Variants in RANBP2 observed in about 807,000 individuals in gnomAD.
RANBP2 encodes E3 SUMO-protein ligase RanBP2.
RANBP2 carries 57 observed loss-of-function variants against 303.6 expected under a neutral mutation model. That is an observed-to-expected ratio of 0.19 (90% CI 0.15 to 0.23). The LOEUF (loss-of-function observed/expected upper bound fraction) is 0.23, where lower values mean the gene tolerates loss of function less well. Among genes scored for constraint, RANBP2 ranks in the 10% least tolerant of loss-of-function variants. The pLI is 1.00. For synonymous variants in RANBP2, 1,167 were observed against 1,301.5 expected (o/e 0.90, Z 2.23); for missense variants, 3,138 against 3,780.8 (o/e 0.83, Z 4.46).
chr2:108,737,552 T>C (rs917797233), intron 6 of RANBP2, among the ~76,000 whole-genome samples: 2 of 69,664 alleles, frequency 2.9e-5, no homozygotes, highest in African/African-American at 1.7e-4. Context: ...TCTCAAGCTC[T>C]TTTTTTTTTT....
At chr2:109,486,201 T>C in the RANBP2 span, among the ~76,000 whole-genome samples, 1 of 152,252 alleles carries the variant, frequency 6.6e-6, no homozygotes. Flanking sequence ...ATGACGACCA[T>C]TGGCTTCTGA....
chr2:109,732,384 A>C, the RANBP2 span, among the ~76,000 whole-genome samples: 1 of 152,120 alleles, frequency 6.6e-6, no homozygotes, highest in Non-Finnish European at 1.5e-5. Context: ...GAATGCGCAC[A>C]AGCCTGGAGC....
At chr2:108,748,771 G>A (rs561504847) in intron 8 of RANBP2, 149 bp from the exon 9 acceptor site, 11 of 1,440,234 alleles carry the variant, frequency 7.6e-6, no homozygotes, top group South Asian at 1.2e-5. Flanking sequence ...CATAAGCACC[G>A]GTTTTGTTGT....
At chr2:108,816,716 G>A in the RANBP2 span, among the ~76,000 whole-genome samples, 1 of 152,152 alleles carries the variant, frequency 6.6e-6, no homozygotes, top group African/African-American at 2.4e-5. Flanking sequence ...TTGTGTTAGA[G>A]ATGGGGTCTC....
chr2:109,292,874 A>G, the RANBP2 span, among the ~76,000 whole-genome samples: 1 of 152,172 alleles, frequency 6.6e-6, no homozygotes, highest in Non-Finnish European at 1.5e-5. Flanking sequence ...TTGGGATTAC[A>G]GGTGTGCACC....
the RANBP2 span, among the ~76,000 whole-genome samples, chr2:109,064,368 A>G: frequency 7.0e-6 from 1 of 142,350 alleles, no homozygotes; most frequent in Non-Finnish European, 1.5e-5. Context: ...AGGCAGAAGA[A>G]TGGTATGAAC....
chr2:109,682,353 T>G, the RANBP2 span, among the ~76,000 whole-genome samples: 1 of 152,124 alleles, frequency 6.6e-6, no homozygotes, highest in Non-Finnish European at 1.5e-5. Flanking sequence ...AATTTCTTGT[T>G]TATTTGAAAT....
At chr2:109,517,190 C>A in the RANBP2 span, among the ~76,000 whole-genome samples, 1 of 152,162 alleles carries the variant, frequency 6.6e-6, no homozygotes, top group East Asian at 1.9e-4. Context: ...ACACAGAGGT[C>A]CCGCCCAGCC....
the RANBP2 span, among the ~76,000 whole-genome samples, chr2:109,458,516 T>G: frequency 6.7e-6 from 1 of 149,192 alleles, no homozygotes; most frequent in Non-Finnish European, 1.5e-5. Context: ...ACTATAAAAA[T>G]TAATTATTGG....
the RANBP2 span, among the ~76,000 whole-genome samples, chr2:109,078,226 G>GTA: frequency 2.2e-5 from 1 of 44,984 alleles, no homozygotes; most frequent in African/African-American, 9.2e-5. Context: ...TATATATAGC[G>GTA]TGTATATATA....
the RANBP2 span, chr2:108,912,642 A>G: frequency 6.5e-7 from 1 of 1,527,396 alleles, no homozygotes; most frequent in Non-Finnish European, 8.9e-7. Context: ...AGTACCACCT[A>G]ACTCCAGGTG....
the RANBP2 span, among the ~76,000 whole-genome samples, chr2:109,697,233 T>A: frequency 2.6e-5 from 4 of 152,252 alleles, no homozygotes; most frequent in African/African-American, 7.2e-5. Context: ...CTCATGCCTG[T>A]AATCCCAGCA....
chr2:109,255,547 A>G, the RANBP2 span, among the ~76,000 whole-genome samples: 2 of 152,230 alleles, frequency 1.3e-5, no homozygotes, highest in African/African-American at 2.4e-5. Context: ...AATCATCTTG[A>G]TAGTTGTTCT....
chr2:108,981,215 G>A, the RANBP2 span, among the ~76,000 whole-genome samples: 4 of 152,152 alleles, frequency 2.6e-5, no homozygotes, highest in Admixed American at 1.3e-4. Flanking sequence ...CCACCAGCAC[G>A]GGAAGGGGCT....
chr2:109,657,715 T>G, the RANBP2 span, among the ~76,000 whole-genome samples: 3 of 38,836 alleles, frequency 7.7e-5, no homozygotes, highest in Non-Finnish European at 1.4e-4. Flanking sequence ...ATTAGCTGAG[T>G]TTTTTTTTTT....
At chr2:109,761,691 A>G in the RANBP2 span, among the ~76,000 whole-genome samples, 1 of 146,868 alleles carries the variant, frequency 6.8e-6, no homozygotes, top group East Asian at 2.1e-4. Context: ...AACCAGCACT[A>G]TTCAGGTGGT....
chr2:109,633,053 A>G, the RANBP2 span, among the ~76,000 whole-genome samples: 4 of 152,086 alleles, frequency 2.6e-5, no homozygotes, highest in Non-Finnish European at 4.4e-5. Context: ...AGGCACATCC[A>G]CTGGAATTTT....
the RANBP2 span, among the ~76,000 whole-genome samples, chr2:109,695,839 T>C: frequency 5.3e-5 from 8 of 152,134 alleles, no homozygotes; most frequent in African/African-American, 1.4e-4. Flanking sequence ...AAAAGGTTTT[T>C]TTTGTTGTTA....
At chr2:109,760,869 C>T in the RANBP2 span, among the ~76,000 whole-genome samples, 2 of 114,566 alleles carry the variant, frequency 1.7e-5, no homozygotes, top group African/African-American at 3.4e-5. Flanking sequence ...TCCGGGCGGC[C>T]GGCCGCCGTG....
Sources: allele counts gnomAD v4.1 joint callset (sites outside exome capture counted in the v4.1 genomes callset), GRCh38; gene constraint gnomAD v4.1.1; transcripts MANE v1.5; gene names NCBI Gene and HGNC (gene_info 2026-07-23, HGNC 2026-07-21).